The following DEGS2 variants were observed in gnomAD, a reference collection of about 807,000 sequenced individuals.
DEGS2 encodes sphingolipid delta(4)-desaturase/C4-monooxygenase DES2.
A neutral mutation model predicts 23.8 loss-of-function variants in DEGS2; 19 were observed. The ratio of observed to expected loss-of-function variants is 0.80; its 90% CI spans 0.56 to 1.17. The LOEUF (loss-of-function observed/expected upper bound fraction) is 1.17. Ranked by LOEUF, DEGS2 falls within the 50% of genes most tolerant of loss-of-function variation. The pLI, the probability that DEGS2 is intolerant of heterozygous loss-of-function variation, is 0.00. For synonymous variants in DEGS2, 218 were observed against 213.7 expected (o/e 1.02, Z -0.18); for missense variants, 390 against 459.5 (o/e 0.85, Z 1.38).
the DEGS2 span, among the ~76,000 whole-genome samples, chr14:100,164,973 A>C: frequency 2.0e-5 from 3 of 152,176 alleles, no homozygotes; most frequent in Non-Finnish European, 4.4e-5. Flanking sequence ...CTTACACTGC[A>C]ATGGTGGGTG....
chr14:100,149,628 C>T lies in DEGS2; in HGVS notation c.165G>A (p.Met55Ile), dbSNP rs772334104. Residue 55 changes from methionine (M) to isoleucine (I), a missense_variant, in exon 2 of 3, where the codon ATG (methionine) becomes ATA (isoleucine). Transcript: ENST00000305631. ...WAVLVLVLVQMLACWLVRGLA... is the reference protein window; with the variant it reads ...WAVLVLVLVQILACWLVRGLA... ...GCCCGCGCACCAGCCAGCAGGCCAGCATCTGCACCAGCACCAGCACCAGCA... is the reference window on the plus strand; with the variant it reads ...GCCCGCGCACCAGCCAGCAGGCCAGTATCTGCACCAGCACCAGCACCAGCA... 3 of 1,611,872 alleles carry T rather than the reference C, an allele frequency of 1.9e-6. No individual in the cohort carries two copies. The Admixed American group carries it at 5.0e-5, about 27-fold the overall frequency.
chr14:100,148,293 G>A (rs1889491603), intron 2 of DEGS2, among the ~76,000 whole-genome samples: 1 of 152,190 alleles, frequency 6.6e-6, no homozygotes, highest in African/African-American at 2.4e-5. Context: ...TGCACACAGA[G>A]GCGTGCGCTC....
At chr14:100,163,314 G>A (rs1313763167), upstream of DEGS2, among the ~76,000 whole-genome samples, 4 of 152,124 alleles carry the variant, frequency 2.6e-5, no homozygotes, top group African/African-American at 9.7e-5. Flanking sequence ...GGTGGCACAC[G>A]CCTGTAAATC....
At chr14:100,153,916 C>T (rs1467998850) in intron 1 of DEGS2, among the ~76,000 whole-genome samples, 1 of 152,112 alleles carries the variant, frequency 6.6e-6, no homozygotes, top group Non-Finnish European at 1.5e-5. Flanking sequence ...AAAGAAGGGC[C>T]CACCAAGGTG....
chr14:100,150,387 A>ACCCCCC (rs778863717), intron 1 of DEGS2, among the ~76,000 whole-genome samples: 43 of 92,318 alleles, frequency 4.7e-4, no homozygotes, highest in South Asian at 1.3e-3. Flanking sequence ...CCACCCCAAC[A>ACCCCCC]CCCCCCCCCG....
At chr14:100,155,894 T>A (rs892164101) in intron 1 of DEGS2, among the ~76,000 whole-genome samples, 7 of 151,958 alleles carry the variant, frequency 4.6e-5, no homozygotes, top group Admixed American at 4.6e-4. Context: ...AGCTTGCCTC[T>A]TACTCCACCG....
intron 1 of DEGS2, among the ~76,000 whole-genome samples, chr14:100,157,340 C>T (rs1889674108): frequency 6.6e-6 from 1 of 152,222 alleles, no homozygotes; most frequent in Admixed American, 6.5e-5. Flanking sequence ...TTGCCTTTTC[C>T]ACATGGTGCC....
intron 1 of DEGS2, among the ~76,000 whole-genome samples, chr14:100,150,887 G>A (rs1040827284): frequency 2.0e-5 from 3 of 152,062 alleles, no homozygotes; most frequent in South Asian, 2.1e-4. Context: ...CCCCTCACCC[G>A]GCCCCAGCTA....
chr14:100,165,245 A>G, the DEGS2 span, among the ~76,000 whole-genome samples: 1 of 152,184 alleles, frequency 6.6e-6, no homozygotes, highest in East Asian at 1.9e-4. Flanking sequence ...CCTCTGTCCC[A>G]GAGCCCTGAA....
chr14:100,161,094 AG>A (rs1400328369), upstream of DEGS2, among the ~76,000 whole-genome samples: 1 of 152,226 alleles, frequency 6.6e-6, no homozygotes, highest in Non-Finnish European at 1.5e-5. Context: ...TGAGGCACAG[AG>A]GAATTAACAG....
upstream of DEGS2, among the ~76,000 whole-genome samples, chr14:100,162,685 G>A (rs571965499): frequency 1.1e-4 from 17 of 152,220 alleles, no homozygotes; most frequent in African/African-American, 4.1e-4. Flanking sequence ...ACCACGGCCA[G>A]CTACTCTTCA....
In DEGS2 at chr14:100,159,504, A is replaced by G. The variant is rs1467383673; in HGVS notation, c.82+2T>C. ...CCGGGGTGGGCCCCGCGCGGCGCTC[A>G]CCCAGTATCTCCTTGCGCCGCTGCG... On this transcript the variant is annotated splice_donor_variant, in intron 1 of 2. Coordinates refer to ENST00000305631, the MANE Select transcript of DEGS2 (RefSeq NM_206918.3). LOFTEE classifies it high-confidence loss of function. The G allele has an allele frequency of 6.7e-7, 1 of 1,491,904 alleles. No homozygotes were observed. Among genetic ancestry groups the G allele is most frequent in the East Asian group, 2.9e-5 (1 of 35,010 alleles). The allele number at this position is 1,491,904 out of a possible 1,614,324, so 92.4% of individuals were successfully genotyped here.
chr14:100,150,753 C>T (rs1193982373), intron 1 of DEGS2, among the ~76,000 whole-genome samples: 4 of 152,142 alleles, frequency 2.6e-5, no homozygotes, highest in African/African-American at 4.8e-5. Context: ...TTCCCGCTTT[C>T]CTCAGCACCT....
At chr14:100,150,903 T>C (rs1230616813) in intron 1 of DEGS2, among the ~76,000 whole-genome samples, 2 of 152,172 alleles carry the variant, frequency 1.3e-5, no homozygotes, top group Admixed American at 1.3e-4. Context: ...AGCTATGGGC[T>C]GGTCCTATCT....
intron 1 of DEGS2, among the ~76,000 whole-genome samples, chr14:100,150,996 AAGTCCCCTCTG>A (rs1889562208): frequency 1.3e-5 from 2 of 152,070 alleles, no homozygotes; most frequent in South Asian, 4.1e-4. Context: ...GCATGCCCCT[AAGTCCCCTCTG>A]AGTGGACTCT....
chr14:100,149,809 G>T (rs1595275795), intron 1 of DEGS2, 99 bp from the exon 2 acceptor site: 1 of 1,311,204 alleles, frequency 7.6e-7, no homozygotes, highest in Non-Finnish European at 1.1e-6. Context: ...GAAGGTGGGA[G>T]TGGCCAGCAA....
chr14:100,156,082 A>T (rs1391735590), intron 1 of DEGS2, among the ~76,000 whole-genome samples: 1 of 152,202 alleles, frequency 6.6e-6, no homozygotes, highest in Non-Finnish European at 1.5e-5. Flanking sequence ...CAACCCACAG[A>T]GCTCCTGGAG....
upstream of DEGS2, among the ~76,000 whole-genome samples, chr14:100,162,837 C>A (rs1458486295): frequency 2.0e-5 from 3 of 152,198 alleles, no homozygotes; most frequent in Admixed American, 6.5e-5. Flanking sequence ...TGGGCCTCCA[C>A]CCAAAAGCCT....
the DEGS2 span, among the ~76,000 whole-genome samples, chr14:100,164,843 A>G: frequency 1.3e-5 from 2 of 152,202 alleles, no homozygotes; most frequent in Admixed American, 1.3e-4. Context: ...ATGTGTGGCC[A>G]CCAAATACAT....
Sources: gnomAD v4.1 joint callset for allele counts (sites outside exome capture counted in the v4.1 genomes callset) on GRCh38, gnomAD v4.1.1 for gene constraint, MANE v1.5 for transcripts, NCBI Gene and HGNC (gene_info 2026-07-23, HGNC 2026-07-21) for gene names.